The following TCFL5 variants were observed in gnomAD, a reference collection of about 807,000 sequenced individuals.
TCFL5 encodes the protein transcription factor like 5.
In TCFL5, 9 loss-of-function variants were observed where a neutral mutation model predicts 44.3. The observed-to-expected ratio is 0.20, with a 90% CI of 0.12 to 0.35. TCFL5 has a LOEUF of 0.35. Ranked by LOEUF, TCFL5 falls within the 10% of genes least tolerant of loss-of-function variation. The pLI is 1.00. For missense variants in TCFL5, 603 were observed against 613.4 expected, an observed-to-expected ratio of 0.98 and a Z score of 0.18; for synonymous variants, 319 against 271.6, an observed-to-expected ratio of 1.17 and a Z score of -1.72.
Position 62,861,685 on chromosome 20 carries a change from G to C in TCFL5, c.-15C>G, listed in dbSNP as rs1387998895. ...GGGCCCGACATGGCGGCGCGGCGCG[G>C]CCCAACGGCGGCGAGGGCGACGCGG... On this transcript the variant is annotated 5_prime_UTR_variant, in exon 1 of 6. Transcript: ENST00000335351. This position sits in a 1 kb window ranked among gnomAD's most constrained non-coding sequence, Gnocchi z 4.0. The C allele has an allele frequency of 2.7e-6, 1 of 376,100 alleles. No homozygotes were observed. Among genetic ancestry groups the C allele is most frequent in the African/African-American group, 2.2e-5 (1 of 44,922 alleles). 23.3% of individuals were successfully genotyped at this position (376,100 alleles called of 1,614,324 possible).
rs1302597823 is a variant in TCFL5 at position 62,857,513 on chromosome 20, C to T, written c.1120G>A (p.Gly374Ser). 2 of 1,614,148 alleles carry T rather than the reference C, an allele frequency of 1.2e-6. No individual in the cohort carries two copies. The highest frequency in any genetic ancestry group is 1.1e-5 in the South Asian group (1 of 91,094). Residue 374 changes from glycine (G) to serine (S), a missense_variant, in exon 4 of 6, where the codon GGC becomes AGC. Physicochemically the swap from Gly to Ser is moderately conservative, Grantham distance 56 (BLOSUM62 0). Around this residue, in one of 4 missense-constraint regions of TCFL5, gnomAD observed 540 missense variants for 478.7 expected, o/e 1.13. Coordinates refer to ENST00000335351, the MANE Select transcript of TCFL5 (RefSeq NM_006602.4). ...GAGGACTCCGAGGACTGCCAAGCGC[C>T]TTGTGTGGCGGTGGCACCTTCGCCC... ...NVGEGATATQGAWQSSESSQA... is the reference protein window; with the variant it reads ...NVGEGATATQSAWQSSESSQA...
At chr20:62,860,429 T>G (rs1273653070) in intron 1 of TCFL5, 121 bp from the exon 2 acceptor site, 1 of 853,278 alleles carries the variant, frequency 1.2e-6, no homozygotes, top group African/African-American at 1.7e-5. Flanking sequence ...ATCCTGGAAA[T>G]CTCTACACAA....
chr20:62,860,490 A>G (rs1470181575), intron 1 of TCFL5, among the ~76,000 whole-genome samples, 182 bp from the exon 2 acceptor site: 2 of 152,208 alleles, frequency 1.3e-5, no homozygotes, highest in African/African-American at 4.8e-5. Context: ...TATGGAGGAA[A>G]AGCAAAACTG....
chr20:62,847,383 G>A (rs557268979), intron 5 of TCFL5, among the ~76,000 whole-genome samples: 1 of 152,124 alleles, frequency 6.6e-6, no homozygotes, highest in Admixed American at 6.6e-5. Flanking sequence ...ATAGAAATAA[G>A]GTTTTGGGAT....
At chr20:62,854,257 G>A (rs2063854832) in intron 4 of TCFL5, 100 bp from the exon 5 acceptor site, 3 of 1,457,868 alleles carry the variant, frequency 2.1e-6, no homozygotes, top group African/African-American at 1.4e-5. Flanking sequence ...CAGAGCTCGT[G>A]CATCCTGGCC....
intron 5 of TCFL5, chr20:62,845,614 G>A: frequency 1.3e-6 from 2 of 1,589,356 alleles, no homozygotes; most frequent in Middle Eastern, 1.7e-4. Flanking sequence ...GACCCTCGGA[G>A]CTGGTCTCGG....
chr20:62,847,706 A>G (rs2063760978), intron 5 of TCFL5, among the ~76,000 whole-genome samples: 1 of 152,248 alleles, frequency 6.6e-6, no homozygotes, highest in South Asian at 2.1e-4. Flanking sequence ...ATGTTCAAAA[A>G]CAGAATGAAA....
At chr20:62,856,928 G>A (rs901485562) in intron 4 of TCFL5, among the ~76,000 whole-genome samples, 7 of 152,166 alleles carry the variant, frequency 4.6e-5, no homozygotes, top group African/African-American at 1.7e-4. Flanking sequence ...CTTTCCTTCT[G>A]GGAGACTGGA....
chr20:62,857,421 C>A lies in TCFL5; in HGVS notation c.1212G>T (p.Arg404Ser), dbSNP rs752301191. ...TTCTATCTCTTTCCATTCGGTTATG[C>A]CTCTCCCTACGTTGAGACCTTCCTC... ...PQGGRSQRRERHNRMERDRRR... is the reference protein window; with the variant it reads ...PQGGRSQRRESHNRMERDRRR... The change falls in exon 4 of 6, where the codon AGG becomes AGT. Residue 404 changes from arginine to serine, a missense_variant. This residue lies in a region of TCFL5 where 21 missense variants were observed against 54.0 expected (regional missense o/e 0.39). Coordinates refer to ENST00000335351, the MANE Select transcript of TCFL5 (RefSeq NM_006602.4). The A allele has an allele frequency of 6.2e-7, 1 of 1,614,196 alleles. No individual in the cohort carries two copies. The highest frequency in any genetic ancestry group is 1.1e-5 in the South Asian group (1 of 91,088).
chr20:62,861,726 A>AGGCGGGCGGCGGGAGGCGGGC lies in TCFL5; in HGVS notation c.-57_-56insGCCCGCCTCCCGCCGCCCGCC, dbSNP rs1428600512. On this transcript the variant is annotated 5_prime_UTR_variant, in exon 1 of 6. Coordinates refer to ENST00000335351, the MANE Select transcript of TCFL5 (RefSeq NM_006602.4). This position sits in a 1 kb window ranked among gnomAD's most constrained non-coding sequence, Gnocchi z 4.0. The stretch of plus-strand genomic sequence containing the variant: ...GGCGACGCGGGCGGCGGGCGGCGGG[A>AGGCGGGCGGCGGGAGGCGGGC]GGCGGGAGGCGGGAGGCGGGAGGCG... The AGGCGGGCGGCGGGAGGCGGGC allele has an allele frequency of 1.0e-4, 13 of 124,674 alleles. No individual in the cohort carries two copies. The highest frequency in any genetic ancestry group is 6.8e-4 in the East Asian group (2 of 2,944). 7.7% of individuals were successfully genotyped at this position (124,674 alleles called of 1,614,324 possible). A position where few individuals can be genotyped will look rare whatever the true frequency, so the allele number is the denominator to read the frequency against.
At position 62,842,493 on chromosome 20, in the gene TCFL5, G is replaced by A. The variant is rs983922080; in HGVS notation, c.1381-396C>T. On this transcript the variant is annotated intron_variant, in intron 5 of 5. Coordinates refer to ENST00000335351, the MANE Select transcript of TCFL5 (RefSeq NM_006602.4). This position sits in a 1 kb window ranked among gnomAD's most constrained non-coding sequence, Gnocchi z 4.3. Reference sequence around the variant, plus strand: ...TAAAACGTTTCAGGCCGGGCGTGGCGGCTCACGCCTATAATCCCAGCACTT... The same window carrying A: ...TAAAACGTTTCAGGCCGGGCGTGGCAGCTCACGCCTATAATCCCAGCACTT... 1.3e-4 allele frequency among the ~76,000 whole-genome samples: 20 copies of A among 152,212 alleles called. No individual in the cohort carries two copies. The highest frequency in any genetic ancestry group is 3.4e-4 in the African/African-American group (14 of 41,452).
chr20:62,845,156 T>C lies in TCFL5; in HGVS notation c.1381-3059A>G, dbSNP rs1220203760. On this transcript the variant is annotated intron_variant, in intron 5 of 5. Transcript: ENST00000335351. ...TTTTTTTGGATATGGAGTTTCACTC[T>C]TGTCGCCCAGACTGGGGTGCAATGG... The C allele has an allele frequency of 5.1e-6, 5 of 985,052 alleles. No individual in the cohort carries two copies. In the East Asian group the frequency reaches 3.4e-4, roughly 67 times the overall value. The allele number at this position is 985,052 out of a possible 1,614,324, so 61.0% of individuals were successfully genotyped here.
intron 1 of TCFL5, 143 bp downstream of exon 1, chr20:62,860,881 C>A (rs1225809021): frequency 1.8e-5 from 12 of 673,940 alleles, no homozygotes; most frequent in Non-Finnish European, 2.2e-5. Context: ...CGGCCCCAGA[C>A]CCGGTGAGGT....
chr20:62,845,500 C>T, intron 5 of TCFL5: 1 of 1,414,422 alleles, frequency 7.1e-7, no homozygotes, highest in Non-Finnish European at 9.2e-7. Flanking sequence ...ATTCTGACAC[C>T]TAAAGCCTAC....
intron 2 of TCFL5, 92 bp downstream of exon 2, chr20:62,860,033 G>T (rs1417422552): frequency 1.5e-6 from 2 of 1,295,996 alleles, no homozygotes; most frequent in African/African-American, 3.0e-5. Flanking sequence ...GCTCACTGAA[G>T]GGAAAAAAAA....
At chr20:62,854,234 T>A in intron 4 of TCFL5, 77 bp from the exon 5 acceptor site, 1 of 1,551,306 alleles carries the variant, frequency 6.4e-7, no homozygotes, top group Non-Finnish European at 8.7e-7. Flanking sequence ...TCTCCTGTAG[T>A]ACTTGAGGGA....
Position 62,859,504 on chromosome 20 carries a change from A to G in TCFL5, c.854T>C (p.Val285Ala), listed in dbSNP as rs1312820172. Residue 285 changes from valine (V) to alanine (A), a missense_variant, in exon 3 of 6, where the codon GTA (valine) becomes GCA (alanine). By Grantham distance (64) the Val-to-Ala change is moderately conservative. Around this residue, in one of 4 missense-constraint regions of TCFL5, gnomAD observed 540 missense variants for 478.7 expected, o/e 1.13. Coordinates refer to ENST00000335351, the MANE Select transcript of TCFL5 (RefSeq NM_006602.4). ...QTQSSSNSCS[V>A]LEAAKHQDIG... is the part of the protein sequence containing the mutation. ...ATCCTGGTGCTTGGCAGCTTCAAGT[A>G]CAGAACATGAGTTACTAGAACTCTG... is the stretch of plus-strand genomic sequence containing the variant. 6.2e-7 allele frequency: 1 copy of G among 1,613,140 alleles called. No homozygotes were observed. Among genetic ancestry groups the G allele is most frequent in the Non-Finnish European group, 8.5e-7 (1 of 1,179,804 alleles).
intron 5 of TCFL5, among the ~76,000 whole-genome samples, chr20:62,844,536 G>A (rs536090046): frequency 8.6e-5 from 13 of 151,418 alleles, no homozygotes; most frequent in East Asian, 5.8e-4. Context: ...ACACCATCAC[G>A]CCTGGCTTTC....
Position 62,861,185 on chromosome 20 carries a change from C to A in TCFL5, c.486G>T (p.Ala162=). The change falls in exon 1 of 6, where the codon GCG becomes GCT. Residue 162 remains alanine, a synonymous_variant. Transcript: ENST00000335351. This position sits in a 1 kb window ranked among gnomAD's most constrained non-coding sequence, Gnocchi z 4.0. ...GTCCAGCCGCAGCCGCAGCCGCGCC[C>A]GCGCCCTCCTTGGCGGCGCCGTCGG... is the stretch of plus-strand genomic sequence containing the variant. ...ARADGAAKEG[A]GAAAAAAGPD... 1 of 1,034,584 alleles carries A rather than the reference C, an allele frequency of 9.7e-7. No individual in the cohort carries two copies. The highest frequency in any genetic ancestry group is 1.2e-6 in the Non-Finnish European group (1 of 866,250). The allele number at this position is 1,034,584 out of a possible 1,614,324, so 64.1% of individuals were successfully genotyped here. A position where few individuals can be genotyped will look rare whatever the true frequency, so the allele number is the denominator to read the frequency against.
Sources: allele counts gnomAD v4.1 joint callset (sites outside exome capture counted in the v4.1 genomes callset), GRCh38; gene constraint gnomAD v4.1.1; regional missense constraint gnomAD v4.1.1; non-coding constraint Gnocchi (gnomAD v3.1); transcripts MANE v1.5; gene names NCBI Gene and HGNC (gene_info 2026-07-23, HGNC 2026-07-21).